Variants in CLIP1 observed in about 807,000 individuals in gnomAD.
CLIP1 encodes the protein CAP-Gly domain-containing linker protein 1.
In CLIP1, 66 loss-of-function variants were observed where a neutral mutation model predicts 161.6. The observed-to-expected ratio is 0.41, with a 90% CI of 0.33 to 0.50. CLIP1 has a LOEUF of 0.50. Ranked by LOEUF, CLIP1 falls within the 20% of genes least tolerant of loss-of-function variation. The pLI is 0.27. For synonymous variants in CLIP1, 598 were observed against 626.2 expected, an observed-to-expected ratio of 0.96 and a Z score of 0.67; for missense variants, 1,376 against 1,702.0, an observed-to-expected ratio of 0.81 and a Z score of 3.37.
At chr12:122,401,090 T>C (rs1407055879) in intron 1 of CLIP1, among the ~76,000 whole-genome samples, 1 of 152,222 alleles carries the variant, frequency 6.6e-6, no homozygotes, top group South Asian at 2.1e-4. Context: ...TTTGTATTTT[T>C]AGTAGAGACA....
At chr12:122,274,416 C>T (rs1170579188) in intron 24 of CLIP1, 2 of 317,258 alleles carry the variant, frequency 6.3e-6, no homozygotes, top group African/African-American at 4.2e-5. Flanking sequence ...CCCCTCACAC[C>T]TTTCAGATTT....
chr12:122,350,598 T>C (rs1277193113), intron 9 of CLIP1, among the ~76,000 whole-genome samples: 1 of 152,016 alleles, frequency 6.6e-6, no homozygotes, highest in African/African-American at 2.4e-5. Flanking sequence ...TGGCAGGCAC[T>C]GGCCAGTGGC....
At chr12:122,387,180 C>G (rs974135977) in intron 1 of CLIP1, among the ~76,000 whole-genome samples, 2 of 152,150 alleles carry the variant, frequency 1.3e-5, no homozygotes, top group Non-Finnish European at 2.9e-5. Flanking sequence ...GCGTGCACCA[C>G]CGTGCCCAGC....
chr12:122,306,097 T>A (rs1193402280), intron 20 of CLIP1, among the ~76,000 whole-genome samples: 1 of 150,120 alleles, frequency 6.7e-6, no homozygotes, highest in Non-Finnish European at 1.5e-5. Context: ...AAGACTAGAC[T>A]GGTTTAGCCT....
intron 1 of CLIP1, among the ~76,000 whole-genome samples, chr12:122,414,067 T>C (rs1357183433): frequency 6.6e-6 from 1 of 152,144 alleles, no homozygotes; most frequent in African/African-American, 2.4e-5. Flanking sequence ...TCCTTGAAAT[T>C]GTTTTTATTT....
At chr12:122,300,311 T>C (rs1246832376) in intron 20 of CLIP1, among the ~76,000 whole-genome samples, 1 of 151,952 alleles carries the variant, frequency 6.6e-6, no homozygotes, top group Non-Finnish European at 1.5e-5. Flanking sequence ...CTGAATGACA[T>C]GCCAGACATC....
chr12:122,329,013 A>T (rs193194983), intron 15 of CLIP1, among the ~76,000 whole-genome samples: 56 of 152,344 alleles, frequency 3.7e-4, no homozygotes, highest in Non-Finnish European at 1.0e-4. Context: ...AATAAGGAAA[A>T]ATGAGTGAAA....
intron 1 of CLIP1, among the ~76,000 whole-genome samples, chr12:122,408,672 T>C (rs1956417871): frequency 6.6e-6 from 1 of 151,678 alleles, no homozygotes; most frequent in African/African-American, 2.4e-5. Context: ...GAGACTATGT[T>C]GCCCAGGCTG....
chr12:122,283,397 A>T (rs1439742043), intron 21 of CLIP1, among the ~76,000 whole-genome samples: 1 of 152,024 alleles, frequency 6.6e-6, no homozygotes, highest in Non-Finnish European at 1.5e-5. Context: ...AACAAAAAGA[A>T]AAAAAACCCC....
intron 21 of CLIP1, among the ~76,000 whole-genome samples, chr12:122,281,738 T>C (rs1955656731): frequency 1.3e-5 from 2 of 151,940 alleles, no homozygotes. Flanking sequence ...GGGTTTCTTA[T>C]GTTTCTATTA....
intron 20 of CLIP1, among the ~76,000 whole-genome samples, chr12:122,288,909 G>A (rs902327489): frequency 1.4e-5 from 2 of 145,848 alleles, no homozygotes; most frequent in African/African-American, 2.6e-5. Context: ...TCCGCCTCCC[G>A]GGTTCACGCC....
chr12:122,419,098 C>T (rs991956170), intron 1 of CLIP1, among the ~76,000 whole-genome samples: 5 of 152,118 alleles, frequency 3.3e-5, no homozygotes, highest in Non-Finnish European at 5.9e-5. Flanking sequence ...CAGATGGGCA[C>T]GGTGGCTCAC....
intron 2 of CLIP1, among the ~76,000 whole-genome samples, chr12:122,379,934 A>T: frequency 8.8e-6 from 1 of 113,728 alleles, no homozygotes; most frequent in Non-Finnish European, 1.8e-5. Flanking sequence ...ATAGAGCAAG[A>T]CTCCATCTTT....
At chr12:122,404,130 G>A (rs1017117825) in intron 1 of CLIP1, among the ~76,000 whole-genome samples, 1 of 152,218 alleles carries the variant, frequency 6.6e-6, no homozygotes, top group Admixed American at 6.5e-5. Flanking sequence ...CCAAAGCTTG[G>A]CCCTGAACAC....
In CLIP1 at chr12:122,306,998, C is replaced by CTTTTTTT. The variant is rs56949793; in HGVS notation, c.3594+2757_3594+2763dup. Among the ~76,000 whole-genome samples the CTTTTTTT allele has an allele frequency of 1.6e-3, 129 of 81,012 alleles. 9 individuals carry two copies. Among genetic ancestry groups the CTTTTTTT allele is most frequent in the Non-Finnish European group, 2.6e-3 (117 of 45,546 alleles). 53.1% of individuals were successfully genotyped at this position (81,012 alleles called of 152,430 possible). The stretch of plus-strand genomic sequence containing the variant: ...TATCTGTGTATCCTTGGTAAGTTCA[C>CTTTTTTT]TTTTTTTTTTTTTTTTTTTTTTTTT... On this transcript the variant is annotated intron_variant, in intron 20 of 25. Coordinates refer to ENST00000620786, the MANE Select transcript of CLIP1 (RefSeq NM_001247997.2).
chr12:122,313,839 G>T (rs1352640255), intron 19 of CLIP1, among the ~76,000 whole-genome samples: 1 of 152,096 alleles, frequency 6.6e-6, no homozygotes, highest in Non-Finnish European at 1.5e-5. Flanking sequence ...GATCTCACTG[G>T]AATACTAGTA....
chr12:122,399,784 T>G (rs1956078052), intron 1 of CLIP1: 1 of 152,178 alleles, frequency 6.6e-6, no homozygotes, highest in Non-Finnish European at 1.5e-5. Context: ...GACTTACCTG[T>G]GCACAGCTGC....
At chr12:122,338,426 C>T (rs1038822732) in intron 11 of CLIP1, among the ~76,000 whole-genome samples, 1 of 151,654 alleles carries the variant, frequency 6.6e-6, no homozygotes, top group Non-Finnish European at 1.5e-5. Context: ...TTTAAAAATC[C>T]ACTGGACAGG....
chr12:122,316,863 A>AC lies in CLIP1; in HGVS notation c.3367-9dup, dbSNP rs756101132. ...TTCTTTAAGTGTGTCCAACTTAAAG[A>AC]CCAAGAGAAAAAAACTTGATGAAAT... On this transcript the variant is annotated splice_polypyrimidine_tract_variant and intron_variant, in intron 18 of 25. Coordinates refer to ENST00000620786, the MANE Select transcript of CLIP1 (RefSeq NM_001247997.2). The AC allele has an allele frequency of 6.8e-7, 1 of 1,469,114 alleles. No individual in the cohort carries two copies. Among genetic ancestry groups the AC allele is most frequent in the Non-Finnish European group, 9.2e-7 (1 of 1,088,528 alleles). 91.0% of individuals were successfully genotyped at this position (1,469,114 alleles called of 1,614,324 possible).
Sources: gnomAD v4.1 joint callset for allele counts (sites outside exome capture counted in the v4.1 genomes callset) on GRCh38, gnomAD v4.1.1 for gene constraint, MANE v1.5 for transcripts, NCBI Gene and HGNC (gene_info 2026-07-23, HGNC 2026-07-21) for gene names.